MAP3K21: variants seen among roughly 807,000 people sequenced by gnomAD.
MAP3K21 encodes the protein mitogen-activated protein kinase kinase kinase 21, also known as mitogen-activated protein kinase kinase kinase MLK4.
MAP3K21 carries 63 observed loss-of-function variants against 86.1 expected under a neutral mutation model. The observed-to-expected ratio is 0.73, with a 90% CI of 0.60 to 0.90. The LOEUF (loss-of-function observed/expected upper bound fraction) is 0.90, where lower values mean the gene tolerates loss of function less well. MAP3K21 is among the 40% of genes least tolerant of loss of function. The pLI, the probability that MAP3K21 is intolerant of heterozygous loss-of-function variation, is 0.00. For missense variants in MAP3K21, 1,220 were observed against 1,367.7 expected (o/e 0.89, Z 1.70); for synonymous variants, 558 against 564.8 (o/e 0.99, Z 0.17).
At chr1:233,345,170 G>A (rs1418507715) in intron 1 of MAP3K21, among the ~76,000 whole-genome samples, 1 of 152,168 alleles carries the variant, frequency 6.6e-6, no homozygotes, top group Non-Finnish European at 1.5e-5. Flanking sequence ...GGAAGACAGT[G>A]TGGCGATTCC....
At position 233,379,412 on chromosome 1, in the gene MAP3K21, C is replaced by T; in HGVS notation, c.2406C>T (p.Leu802=). ...CACTGTCAAGTGCCCTGGGCATCCT[C>T]TCCACACCTTCTTTCTCCACAAAGT... ...SLPLSSALGI[L]STPSFSTKCL... is the part of the protein sequence containing the mutation. Residue 802 remains leucine (L), a synonymous_variant, in exon 9 of 10, where the codon CTC becomes CTT. Coordinates refer to ENST00000366624, the MANE Select transcript of MAP3K21 (RefSeq NM_032435.3). The T allele has an allele frequency of 6.2e-7, 1 of 1,614,226 alleles. No homozygotes were observed. The highest frequency in any genetic ancestry group is 8.5e-7 in the Non-Finnish European group (1 of 1,180,052).
At chr1:233,332,935 CATTT>C (rs2102757139) in intron 1 of MAP3K21, among the ~76,000 whole-genome samples, 2 of 151,946 alleles carry the variant, frequency 1.3e-5, no homozygotes, top group South Asian at 4.1e-4. Context: ...AGTGATTAAG[CATTT>C]ATTATCTCAA....
At position 233,379,205 on chromosome 1, in the gene MAP3K21, G is replaced by A; in HGVS notation, c.2199G>A (p.Val733=). ...GGTGCACCGTCCTTCTGGCATCGGT[G>A]GCTCTGGGACTGGACCTCAGAGAGC... ...LYGCTVLLAS[V]ALGLDLRELH... The change falls in exon 9 of 10, where the codon GTG becomes GTA. Residue 733 remains valine (V), a synonymous_variant. Coordinates refer to ENST00000366624, the MANE Select transcript of MAP3K21 (RefSeq NM_032435.3). The A allele has an allele frequency of 6.2e-7, 1 of 1,614,188 alleles. No homozygotes were observed. The highest frequency in any genetic ancestry group is 8.5e-7 in the Non-Finnish European group (1 of 1,180,030).
At chr1:233,370,533 G>A (rs905364964) in intron 5 of MAP3K21, among the ~76,000 whole-genome samples, 2 of 152,194 alleles carry the variant, frequency 1.3e-5, no homozygotes, top group Non-Finnish European at 2.9e-5. Context: ...TTGGATAGCT[G>A]TCCTTGCCTA....
chr1:233,351,770 A>T (rs1396547880), intron 2 of MAP3K21, among the ~76,000 whole-genome samples: 2 of 152,186 alleles, frequency 1.3e-5, no homozygotes, highest in Non-Finnish European at 2.9e-5. Flanking sequence ...TTCACATTTT[A>T]AAAAAAGTTA....
At chr1:233,373,222 G>C (rs900499826) in intron 6 of MAP3K21, 5 of 152,154 alleles carry the variant, frequency 3.3e-5, no homozygotes, top group African/African-American at 1.2e-4. Flanking sequence ...CTAGGCAAAG[G>C]CCTAATTAAC....
At position 233,382,774 on chromosome 1, in the gene MAP3K21, A is replaced by G. The variant is rs758176644; in HGVS notation, c.*63A>G. On this transcript the variant is annotated 3_prime_UTR_variant, in exon 10 of 10. Transcript: ENST00000366624. ...GTGAACAAATGAACACAATGTATCT[A>G]CCTTTGAACTGTTTCATGCTGCTGT... 1.0e-5 allele frequency: 14 copies of G among 1,398,826 alleles called. No individual in the cohort carries two copies. The highest frequency in any genetic ancestry group is 1.3e-5 in the Non-Finnish European group (13 of 1,008,890). The allele number at this position is 1,398,826 out of a possible 1,614,324, so 86.7% of individuals were successfully genotyped here.
Position 233,382,899 on chromosome 1 carries a change from C to T in MAP3K21, c.*188C>T. 1.8e-6 allele frequency: 1 copy of T among 548,188 alleles called. No homozygotes were observed. The highest frequency in any genetic ancestry group is 3.2e-6 in the Non-Finnish European group (1 of 312,198). The allele number at this position is 548,188 out of a possible 1,614,324, so 34.0% of individuals were successfully genotyped here. On this transcript the variant is annotated 3_prime_UTR_variant, in exon 10 of 10. Coordinates refer to ENST00000366624, the MANE Select transcript of MAP3K21 (RefSeq NM_032435.3). ...GTTAGCCATGTCTATTGTTTTTCCT[C>T]TGGATTCTTTTCTTATAACTTGGAA...
At chr1:233,379,822 T>C in intron 9 of MAP3K21, 112 bp downstream of exon 9, 1 of 814,892 alleles carries the variant, frequency 1.2e-6, no homozygotes, top group East Asian at 2.6e-5. Flanking sequence ...TAATAATTTG[T>C]TTTTACTGTT....
rs4649220 is a variant in MAP3K21, at chr1:233,355,030, C to T, written c.1311+19C>T. 0.25 allele frequency: 396,740 copies of T among 1,575,846 alleles called. 52,530 individuals carry two copies. The highest frequency in any genetic ancestry group is 0.4 in the Admixed American group (23,583 of 58,922). On this transcript the variant is annotated intron_variant, in intron 4 of 9. Coordinates refer to ENST00000366624, the MANE Select transcript of MAP3K21 (RefSeq NM_032435.3). ...GGAAAAGGTGAGAGAAATTTTTAAA[C>T]AGCATAATGTACTCAAATTTATGAA... is the stretch of plus-strand genomic sequence containing the variant.
At position 233,336,968 on chromosome 1, in the gene MAP3K21, A is replaced by G. The variant is rs554031512; in HGVS notation, c.805+8135A>G. Among the ~76,000 whole-genome samples the G allele has an allele frequency of 5.3e-5, 8 of 152,324 alleles. No homozygotes were observed. The East Asian group carries it at 1.5e-3, about 29-fold the overall frequency. On this transcript the variant is annotated intron_variant, in intron 1 of 9. Transcript: ENST00000366624. ...ATGTATTCTGGCGTATGACTCTGGG[A>G]AAAGGAACATCTCAGAGCGTTTGTT... is the stretch of plus-strand genomic sequence containing the variant.
In MAP3K21 at chr1:233,362,097, G is replaced by C; in HGVS notation, c.1356G>C (p.Gln452His). ...AGGAGCTGACTCGGGCGGCTCTGCA[G>C]CAGAAGTCTCAGGAGGAGCTGCTAA... is the stretch of plus-strand genomic sequence containing the variant. ...REEELTRAALQQKSQEELLKR... is the reference protein window; with the variant it reads ...REEELTRAALHQKSQEELLKR... Residue 452 changes from glutamine to histidine, a missense_variant, in exon 5 of 10, where the codon CAG becomes CAC. By Grantham distance (24) the Gln-to-His change is conservative (BLOSUM62 0). Transcript: ENST00000366624. The C allele has an allele frequency of 6.2e-7, 1 of 1,613,494 alleles. No homozygotes were observed. Among genetic ancestry groups the C allele is most frequent in the Middle Eastern group, 1.7e-4 (1 of 6,032 alleles).
chr1:233,342,078 A>G (rs904940375), intron 1 of MAP3K21, among the ~76,000 whole-genome samples: 2 of 152,174 alleles, frequency 1.3e-5, no homozygotes, highest in Non-Finnish European at 2.9e-5. Flanking sequence ...GGGGATCTAA[A>G]TCTCTTTTTC....
intron 1 of MAP3K21, among the ~76,000 whole-genome samples, chr1:233,340,621 G>A (rs1303477275): frequency 6.6e-6 from 1 of 152,092 alleles, no homozygotes; most frequent in African/African-American, 2.4e-5. Flanking sequence ...TGGTGCTAGG[G>A]GTGAAGGGGA....
intron 6 of MAP3K21, among the ~76,000 whole-genome samples, chr1:233,375,154 G>A (rs775043775): frequency 6.6e-6 from 1 of 151,952 alleles, no homozygotes; most frequent in Non-Finnish European, 1.5e-5. Context: ...ATGTTGGCCA[G>A]GCTGGTCTCG....
At chr1:233,337,633 A>C (rs1662942757) in intron 1 of MAP3K21, among the ~76,000 whole-genome samples, 1 of 152,160 alleles carries the variant, frequency 6.6e-6, no homozygotes, top group Non-Finnish European at 1.5e-5. Flanking sequence ...AACTTGGGTG[A>C]TTCCAGGCAG....
chr1:233,331,193 C>T (rs1009332473), intron 1 of MAP3K21, among the ~76,000 whole-genome samples: 8 of 152,102 alleles, frequency 5.3e-5, no homozygotes, highest in African/African-American at 1.9e-4. Flanking sequence ...GAATAAATTG[C>T]CAAACTTCCC....
chr1:233,382,630 C>G lies in MAP3K21; in HGVS notation c.3030C>G (p.Asp1010Glu). ...CTGACGTGGAAGGTCAGAGCAGGGA[C>G]TACACTGTGCCACTGTGCAGAATGA... Reference protein sequence around the residue: ...LDADVEGQSRDYTVPLCRMRS... With the variant: ...LDADVEGQSREYTVPLCRMRS... Residue 1010 changes from aspartate (D) to glutamate (E), a missense_variant, in exon 10 of 10, where the codon GAC (aspartate) becomes GAG (glutamate). This residue lies in a region of MAP3K21 where 632 missense variants were observed against 691.3 expected (regional missense o/e 0.91). Transcript: ENST00000366624. 1 of 1,614,178 alleles carries G rather than the reference C, an allele frequency of 6.2e-7. No homozygotes were observed. The highest frequency in any genetic ancestry group is 1.1e-5 in the South Asian group (1 of 91,084).
rs749023251 is a variant in MAP3K21 at position 233,379,602 on chromosome 1, C to T, written c.2596C>T (p.Pro866Ser). The stretch of plus-strand genomic sequence containing the variant: ...TGATTGTAGTGTATCAAGAAACTTG[C>T]CGTCTTCCTTCCTACAGCAGACATG... ...DTDCSVSRNL[P>S]SSFLQQTCGN... Residue 866 changes from proline to serine, a missense_variant, in exon 9 of 10, where the codon CCG becomes TCG. By Grantham distance (74) the Pro-to-Ser change is moderately conservative (BLOSUM62 -1). Coordinates refer to ENST00000366624, the MANE Select transcript of MAP3K21 (RefSeq NM_032435.3). The T allele has an allele frequency of 5.0e-6, 8 of 1,614,134 alleles. No homozygotes were observed. The highest frequency in any genetic ancestry group is 6.8e-6 in the Non-Finnish European group (8 of 1,180,000).
Sources: gnomAD v4.1 joint callset for allele counts (sites outside exome capture counted in the v4.1 genomes callset) on GRCh38, gnomAD v4.1.1 for gene constraint, gnomAD v4.1.1 regional missense constraint, MANE v1.5 for transcripts, NCBI Gene and HGNC (gene_info 2026-07-23, HGNC 2026-07-21) for gene names.